SMAD3: variants seen among roughly 807,000 people sequenced by gnomAD.
SMAD3 encodes MAD homolog 3.
SMAD3 carries 12 observed loss-of-function variants against 51.8 expected under a neutral mutation model. The observed-to-expected ratio is 0.23, with a 90% confidence interval of 0.15 to 0.38. The LOEUF (loss-of-function observed/expected upper bound fraction) is 0.38. Among genes scored for constraint, SMAD3 ranks in the 10% least tolerant of loss-of-function variants. The pLI is 1.00. For missense variants in SMAD3, 294 were observed against 565.6 expected (o/e 0.52, Z 4.87); for synonymous variants, 238 against 227.7 (o/e 1.05, Z -0.41).
intron 2 of SMAD3, 50 bp downstream of exon 2, chr15:67,165,138 C>T (rs1445124643): frequency 6.2e-6 from 10 of 1,609,562 alleles, no homozygotes; most frequent in Non-Finnish European, 8.5e-6. Context: ...GGGGTCATCA[C>T]CTCTCCCCGG....
rs1065080 is a variant in SMAD3 at position 67,164,997 on chromosome 15, A to G, written c.309A>G (p.Leu103=). The G allele has an allele frequency of 0.87, 1,411,639 of 1,614,074 alleles. 618,151 individuals are homozygous for G. The highest frequency in any genetic ancestry group is 0.93 in the Admixed American group (55,975 of 60,032). ...RWPDLHSHHE[L]RAMELCEFAF... ...CAGACCTGCACAGCCACCACGAGCT[A>G]CGGGCCATGGAGCTGTGTGAGTTCG... The change falls in exon 2 of 9, where the codon CTA becomes CTG. Residue 103 remains leucine, a synonymous_variant. Transcript: ENST00000327367.
Position 67,080,884 on chromosome 15 carries a change from AC to A in SMAD3, c.206+14526del, listed in dbSNP as rs199832282. Among the ~76,000 whole-genome samples, 901 of 152,156 alleles carry A rather than the reference AC, an allele frequency of 5.9e-3. 26 individuals are homozygous for A. Among genetic ancestry groups the A allele is most frequent in the Admixed American group, 0.05 (768 of 15,278 alleles). ...AGGGTTTGTTTCCGCGATCATCCAA[AC>A]CTCATCCTCCTTCTCTTGCCCCAGA... On this transcript the variant is annotated intron_variant, in intron 1 of 8. Coordinates refer to ENST00000327367, the MANE Select transcript of SMAD3 (RefSeq NM_005902.4).
At chr15:67,066,384 C>G in intron 1 of SMAD3, 24 bp downstream of exon 1, 1 of 1,598,874 alleles carries the variant, frequency 6.3e-7, no homozygotes, top group Non-Finnish European at 8.5e-7. Context: ...CGGGGGGGAC[C>G]CGGGGTCACG....
At chr15:67,160,536 G>A (rs1157960719) in intron 1 of SMAD3, among the ~76,000 whole-genome samples, 1 of 152,262 alleles carries the variant, frequency 6.6e-6, no homozygotes, top group African/African-American at 2.4e-5. Flanking sequence ...ACTTTGGGAG[G>A]CCGAGGCAGG....
intron 1 of SMAD3, among the ~76,000 whole-genome samples, chr15:67,073,498 A>T (rs1004068297): frequency 1.3e-5 from 2 of 152,212 alleles, no homozygotes; most frequent in Non-Finnish European, 2.9e-5. Context: ...TTTTGGAGGT[A>T]GGAGTCAGCA....
intron 1 of SMAD3, among the ~76,000 whole-genome samples, chr15:67,150,555 C>T (rs1361880557): frequency 1.3e-5 from 2 of 152,158 alleles, no homozygotes; most frequent in Non-Finnish European, 2.9e-5. Context: ...CATGGTGCTC[C>T]GATTCGGGCA....
chr15:67,079,231 G>T (rs12594609), intron 1 of SMAD3, among the ~76,000 whole-genome samples: 2 of 151,968 alleles, frequency 1.3e-5, no homozygotes, highest in East Asian at 3.9e-4. Flanking sequence ...GCCCGCGTCA[G>T]CCTCCCAAAT....
chr15:67,136,999 C>T (rs954380709), intron 1 of SMAD3, among the ~76,000 whole-genome samples: 4 of 152,188 alleles, frequency 2.6e-5, no homozygotes. Context: ...TGGTGGTCTA[C>T]CCACCATGCC....
At chr15:67,129,791 C>T (rs1011942080) in intron 1 of SMAD3, among the ~76,000 whole-genome samples, 5 of 152,192 alleles carry the variant, frequency 3.3e-5, no homozygotes, top group African/African-American at 4.8e-5. Context: ...AGATTGTTAA[C>T]GAGCTATATT....
At chr15:67,139,855 A>T (rs893893680) in intron 1 of SMAD3, among the ~76,000 whole-genome samples, 1 of 152,118 alleles carries the variant, frequency 6.6e-6, no homozygotes, top group African/African-American at 2.4e-5. Context: ...GTGGTGGTTC[A>T]TGCCTGTAAT....
rs1397525007 is a variant in SMAD3, at chr15:67,193,207, G to A, written c.*2671G>A. On this transcript the variant is annotated 3_prime_UTR_variant, in exon 9 of 9. Transcript: ENST00000327367. ...TAAAGGACAGTTGAAAAGGGCAAGA[G>A]GAAACCAGGGCAGTTCTAGAGGAGT... is the stretch of plus-strand genomic sequence containing the variant. 1 of 233,322 alleles carries A rather than the reference G, an allele frequency of 4.3e-6. No homozygotes were observed. Among genetic ancestry groups the A allele is most frequent in the Admixed American group, 5.6e-5 (1 of 17,786 alleles). The allele number at this position is 233,322 out of a possible 1,614,324, so 14.5% of individuals were successfully genotyped here. A position where few individuals can be genotyped will look rare whatever the true frequency, so the allele number is the denominator to read the frequency against.
chr15:67,163,944 TAAA>T (rs57803788), intron 1 of SMAD3, among the ~76,000 whole-genome samples: 17 of 87,888 alleles, frequency 1.9e-4, no homozygotes, highest in Non-Finnish European at 2.1e-4. Context: ...GTATCAAAAG[TAAA>T]AAAAAAAAAA....
intron 4 of SMAD3, among the ~76,000 whole-genome samples, chr15:67,168,937 T>C (rs1962668807): frequency 6.6e-6 from 1 of 152,186 alleles, no homozygotes; most frequent in Admixed American, 6.5e-5. Context: ...TTGTTCCCCA[T>C]GTCCCTTCAC....
intron 1 of SMAD3, among the ~76,000 whole-genome samples, chr15:67,133,339 A>G (rs1415137201): frequency 6.6e-6 from 1 of 152,050 alleles, no homozygotes; most frequent in Non-Finnish European, 1.5e-5. Context: ...CTATAGCCAT[A>G]ATCTTTTACA....
chr15:67,074,630 C>T (rs979464882), intron 1 of SMAD3, among the ~76,000 whole-genome samples: 3 of 152,158 alleles, frequency 2.0e-5, no homozygotes, highest in African/African-American at 7.2e-5. Flanking sequence ...AGTGCTTTGC[C>T]GGTAGTTTAG....
chr15:67,189,869 T>G lies in SMAD3; in HGVS notation c.1155-544T>G, dbSNP rs184709973. ...GTTCTGCTTGTAAGATTTTCCAAAATAAGGCCGTAGATGAGAATTATATCA... is the reference window on the plus strand; with the variant it reads ...GTTCTGCTTGTAAGATTTTCCAAAAGAAGGCCGTAGATGAGAATTATATCA... On this transcript the variant is annotated intron_variant, in intron 8 of 8. Coordinates refer to ENST00000327367, the MANE Select transcript of SMAD3 (RefSeq NM_005902.4). Among the ~76,000 whole-genome samples, 106 of 152,112 alleles carry G rather than the reference T, an allele frequency of 7.0e-4. 5 individuals carry two copies. In the East Asian group the frequency reaches 0.011, roughly 15 times the overall value.
chr15:67,089,151 G>A (rs894437437), intron 1 of SMAD3, among the ~76,000 whole-genome samples: 1 of 152,168 alleles, frequency 6.6e-6, no homozygotes, highest in African/African-American at 2.4e-5. Context: ...TAAAAAAGGG[G>A]TGTATGGCTG....
In SMAD3 at chr15:67,065,874, CCCGCGTTCGGGGCCT is replaced by C. The variant is rs1959900029; in HGVS notation, c.-280_-266del. On this transcript the variant is annotated 5_prime_UTR_variant, in exon 1 of 9. Transcript: ENST00000327367. ...GGAGTCTCGCGGCCGCCGCCTCCGCCCCGCGTTCGGGGCCTTCCCGACCCTGCACTGCTGCCGTCC... is the reference window on the plus strand; with the variant it reads ...GGAGTCTCGCGGCCGCCGCCTCCGCCTCCCGACCCTGCACTGCTGCCGTCC... 4.6e-6 allele frequency: 1 copy of C among 217,384 alleles called. No homozygotes were observed. Among genetic ancestry groups the C allele is most frequent in the Non-Finnish European group, 9.2e-6 (1 of 108,272 alleles). 13.5% of individuals were successfully genotyped at this position (217,384 alleles called of 1,614,324 possible).
intron 1 of SMAD3, among the ~76,000 whole-genome samples, chr15:67,127,236 C>G (rs1961411499): frequency 6.6e-6 from 1 of 152,170 alleles, no homozygotes; most frequent in African/African-American, 2.4e-5. Flanking sequence ...TGTCTGAGGT[C>G]GAATGTGAAC....
Sources: gnomAD v4.1 joint callset for allele counts (sites outside exome capture counted in the v4.1 genomes callset) on GRCh38, gnomAD v4.1.1 for gene constraint, MANE v1.5 for transcripts, NCBI Gene and HGNC (gene_info 2026-07-23, HGNC 2026-07-21) for gene names.